Variants in PIK3C2G observed in about 807,000 individuals in gnomAD.
PIK3C2G encodes the protein phosphatidylinositol 3-kinase C2 domain-containing subunit gamma.
PIK3C2G carries 168 observed loss-of-function variants against 181.1 expected under a neutral mutation model. That is an observed-to-expected ratio of 0.93 (90% CI 0.82 to 1.05). PIK3C2G has a LOEUF of 1.05. Among genes scored for constraint, PIK3C2G ranks in the 50% least tolerant of loss-of-function variants. PIK3C2G has a pLI of 0.00. For synonymous variants in PIK3C2G, 573 were observed against 592.2 expected, an observed-to-expected ratio of 0.97 and a Z score of 0.47; for missense variants, 1,869 against 1,732.8, an observed-to-expected ratio of 1.08 and a Z score of -1.40.
At chr12:18,402,892 A>G (rs1263906516) in intron 16 of PIK3C2G, among the ~76,000 whole-genome samples, 4 of 152,150 alleles carry the variant, frequency 2.6e-5, no homozygotes, top group Non-Finnish European at 4.4e-5. Flanking sequence ...ATTAACATCC[A>G]TAACAACCTT....
downstream of PIK3C2G, among the ~76,000 whole-genome samples, chr12:18,650,712 CTATATATATATA>C (rs1157799425): frequency 0.013 from 194 of 14,526 alleles, no homozygotes; most frequent in Non-Finnish European, 0.018. Flanking sequence ...GTGTATATAT[CTATATATATATA>C]TATATATATA....
intron 20 of PIK3C2G, among the ~76,000 whole-genome samples, chr12:18,495,774 C>T (rs1379186319): frequency 2.0e-5 from 3 of 152,214 alleles, no homozygotes; most frequent in African/African-American, 7.2e-5. Flanking sequence ...TTCATTTAAA[C>T]CTCAAACATA....
the PIK3C2G span, chr12:18,694,824 C>G: frequency 3.7e-6 from 4 of 1,072,156 alleles, no homozygotes; most frequent in Non-Finnish European, 4.0e-6. Flanking sequence ...GAAATTGAAG[C>G]AAATCAGTGG....
chr12:18,700,008 T>C, the PIK3C2G span: 1 of 1,468,830 alleles, frequency 6.8e-7, no homozygotes, highest in Non-Finnish European at 9.3e-7. Context: ...AAAAAAAATT[T>C]TTTCTAGTAA....
At chr12:18,434,080 A>C (rs1025806813) in intron 18 of PIK3C2G, among the ~76,000 whole-genome samples, 1 of 152,204 alleles carries the variant, frequency 6.6e-6, no homozygotes, top group Admixed American at 6.5e-5. Context: ...ATCCAAGATC[A>C]AGATGCTAGC....
At chr12:18,458,283 TC>T (rs1259649770) in intron 18 of PIK3C2G, among the ~76,000 whole-genome samples, 1 of 152,188 alleles carries the variant, frequency 6.6e-6, no homozygotes, top group Non-Finnish European at 1.5e-5. Context: ...GCAATAATTT[TC>T]TGGGCATACT....
At position 18,349,765 on chromosome 12, in the gene PIK3C2G, G is replaced by A. The variant is rs12300560; in HGVS notation, c.1625+2929G>A. 3.9e-3 allele frequency among the ~76,000 whole-genome samples: 601 copies of A among 152,158 alleles called. 1 individual carries two copies. Among genetic ancestry groups the A allele is most frequent in the African/African-American group, 0.014 (565 of 41,504 alleles). On this transcript the variant is annotated intron_variant, in intron 11 of 32. Coordinates refer to ENST00000538779, the MANE Select transcript of PIK3C2G (RefSeq NM_001288772.2). Reference sequence around the variant, plus strand: ...CTCATTATCTTAATAATAGCATATTGTTAGTTCTCCCCCAAGTCCTTTTAC... The same window carrying A: ...CTCATTATCTTAATAATAGCATATTATTAGTTCTCCCCCAAGTCCTTTTAC...
intron 29 of PIK3C2G, among the ~76,000 whole-genome samples, chr12:18,579,213 T>C (rs530578827): frequency 6.6e-6 from 1 of 152,220 alleles, no homozygotes; most frequent in African/African-American, 2.4e-5. Flanking sequence ...TCTCATTGAG[T>C]TTACAGTACT....
At chr12:18,415,264 A>C (rs1327157722) in intron 16 of PIK3C2G, among the ~76,000 whole-genome samples, 3 of 152,170 alleles carry the variant, frequency 2.0e-5, no homozygotes, top group African/African-American at 7.2e-5. Flanking sequence ...TTGTGTAACT[A>C]TGTCCCATTT....
intron 11 of PIK3C2G, among the ~76,000 whole-genome samples, chr12:18,347,681 C>T (rs1006577321): frequency 6.6e-6 from 1 of 151,890 alleles, no homozygotes; most frequent in African/African-American, 2.4e-5. Flanking sequence ...CATGATGGCA[C>T]GTGCCTGTAA....
chr12:18,337,667 T>TTG (rs1938665230), intron 8 of PIK3C2G, among the ~76,000 whole-genome samples: 1 of 152,070 alleles, frequency 6.6e-6, no homozygotes, highest in African/African-American at 2.4e-5. Context: ...CAACCAGATT[T>TTG]TGTGAGAACT....
rs755350561 is a variant in PIK3C2G, at chr12:18,562,900, T to G, written c.3780+8T>G. The G allele has an allele frequency of 1.3e-6, 2 of 1,572,710 alleles. No homozygotes were observed. Among genetic ancestry groups the G allele is most frequent in the Admixed American group, 3.6e-5 (2 of 55,498 alleles). On this transcript the variant is annotated splice_region_variant and intron_variant, in intron 27 of 32. Transcript: ENST00000538779. Reference sequence around the variant, plus strand: ...AGCAAGAAATCCAGTAATGTAAGTTTAAAGTCCGTCATCTTGACTTACGTA... The same window carrying G: ...AGCAAGAAATCCAGTAATGTAAGTTGAAAGTCCGTCATCTTGACTTACGTA...
intron 30 of PIK3C2G, among the ~76,000 whole-genome samples, chr12:18,606,073 C>G (rs1592700180): frequency 6.6e-6 from 1 of 152,282 alleles, no homozygotes; most frequent in East Asian, 1.9e-4. Flanking sequence ...GCTACATTGA[C>G]TACTGAGTGT....
At chr12:18,665,921 A>C in the PIK3C2G span, among the ~76,000 whole-genome samples, 100,681 of 148,390 alleles carry the variant, frequency 0.68, 34,477 homozygotes, top group South Asian at 0.73. Flanking sequence ...GGTGACAGAG[A>C]TAGACTCCAT....
intron 30 of PIK3C2G, among the ~76,000 whole-genome samples, chr12:18,596,302 T>C (rs1345191205): frequency 6.6e-6 from 1 of 152,034 alleles, no homozygotes; most frequent in African/African-American, 2.4e-5. Context: ...CTTAAAGTTA[T>C]CACTTGGAAT....
At chr12:18,470,247 T>C (rs1362562602) in intron 18 of PIK3C2G, among the ~76,000 whole-genome samples, 2 of 151,982 alleles carry the variant, frequency 1.3e-5, no homozygotes, top group Admixed American at 6.6e-5. Flanking sequence ...AGCATTTGGG[T>C]TGAGTTAGTC....
chr12:18,642,786 C>CTGTGTGTGTGTG (rs56095750), intron 32 of PIK3C2G, among the ~76,000 whole-genome samples: 44 of 143,178 alleles, frequency 3.1e-4, no homozygotes, highest in East Asian at 1.6e-3. Context: ...ATAAGTGACA[C>CTGTGTGTGTGTG]TGTGTGTGTG....
chr12:18,575,574 T>C (rs1053291223), intron 29 of PIK3C2G, among the ~76,000 whole-genome samples: 1 of 152,120 alleles, frequency 6.6e-6, no homozygotes, highest in Non-Finnish European at 1.5e-5. Flanking sequence ...CAGCTGGAGA[T>C]GCTATGTTGT....
intron 18 of PIK3C2G, among the ~76,000 whole-genome samples, chr12:18,432,073 A>G (rs940072538): frequency 6.6e-6 from 1 of 152,180 alleles, no homozygotes; most frequent in African/African-American, 2.4e-5. Flanking sequence ...TTTCTATTTT[A>G]TGCAATAGAG....
Sources: allele counts gnomAD v4.1 joint callset (sites outside exome capture counted in the v4.1 genomes callset), GRCh38; gene constraint gnomAD v4.1.1; transcripts MANE v1.5; gene names NCBI Gene and HGNC (gene_info 2026-07-23, HGNC 2026-07-21).